The following SLC8A1 variants were observed in gnomAD, a reference collection of about 807,000 sequenced individuals.
The protein encoded by SLC8A1 is sodium/calcium exchanger 1.
SLC8A1 carries 18 observed loss-of-function variants against 68.3 expected under a neutral mutation model. The ratio of observed to expected loss-of-function variants is 0.26; its 90% CI spans 0.18 to 0.39. The LOEUF is 0.39. Among genes scored for constraint, SLC8A1 ranks in the 10% least tolerant of loss-of-function variants. The pLI, the probability that SLC8A1 is intolerant of heterozygous loss-of-function variation, is 1.00. For missense variants in SLC8A1, 985 were observed against 1,156.7 expected (o/e 0.85, Z 2.15); for synonymous variants, 475 against 415.5 (o/e 1.14, Z -1.74).
chr2:40,477,821 C>G (rs1704386374), intron 1 of SLC8A1, among the ~76,000 whole-genome samples: 1 of 152,058 alleles, frequency 6.6e-6, no homozygotes. Context: ...ATTGAATAAC[C>G]AAGTTTCCAG....
chr2:40,313,280 T>C (rs1477896702), intron 2 of SLC8A1, among the ~76,000 whole-genome samples: 3 of 152,130 alleles, frequency 2.0e-5, no homozygotes, highest in South Asian at 2.1e-4. Context: ...AAATAGTTCA[T>C]TCCTTTTTAT....
intron 6 of SLC8A1, among the ~76,000 whole-genome samples, chr2:40,153,702 C>A (rs1217305522): frequency 2.0e-5 from 3 of 152,152 alleles, no homozygotes; most frequent in Non-Finnish European, 4.4e-5. Flanking sequence ...GCATTGATTC[C>A]ATTTTGTTTC....
chr2:40,160,876 G>A lies in SLC8A1; in HGVS notation c.2062-12C>T, dbSNP rs774068705. The A allele has an allele frequency of 6.3e-6, 10 of 1,598,810 alleles. No homozygotes were observed. The Admixed American group carries it at 1.0e-4, about 16-fold the overall frequency. On this transcript the variant is annotated splice_polypyrimidine_tract_variant and intron_variant, in intron 5 of 7. Coordinates refer to ENST00000406785, the Ensembl canonical transcript of SLC8A1. ...TTGTCCACAGTACTCTAGAAATGTT[G>A]AAAAGAAAAATATAAATGCTGGGTT...
intron 2 of SLC8A1, among the ~76,000 whole-genome samples, chr2:40,319,177 G>T (rs79654470): frequency 6.6e-6 from 1 of 152,058 alleles, no homozygotes; most frequent in Non-Finnish European, 1.5e-5. Context: ...GCGATGGATT[G>T]TTTTATGAGA....
intron 5 of SLC8A1, among the ~76,000 whole-genome samples, chr2:40,163,004 G>A (rs148647723): frequency 3.3e-4 from 51 of 152,260 alleles, no homozygotes; most frequent in East Asian, 3.3e-3. Context: ...AGGCTGATAC[G>A]TAAGGGCAGT....
exon 8 of SLC8A1, chr2:40,105,790 T>A (rs1309010703): frequency 6.6e-6 from 1 of 152,236 alleles, no homozygotes; most frequent in African/African-American, 2.4e-5. Flanking sequence ...AGAAACCGTA[T>A]CCGACAAGGG....
At chr2:40,217,663 C>A (rs970705871) in intron 2 of SLC8A1, among the ~76,000 whole-genome samples, 3 of 152,092 alleles carry the variant, frequency 2.0e-5, no homozygotes, top group Admixed American at 6.5e-5. Flanking sequence ...CTACCCTAGA[C>A]AATGAGTAGG....
At chr2:40,383,517 C>T (rs1266266167) in intron 2 of SLC8A1, among the ~76,000 whole-genome samples, 2 of 151,898 alleles carry the variant, frequency 1.3e-5, no homozygotes, top group Non-Finnish European at 2.9e-5. Context: ...TGTGACAGAC[C>T]TGTGTTAAAT....
exon 2 of SLC8A1, chr2:40,428,933 T>A (rs1336509986): frequency 6.2e-7 from 1 of 1,613,848 alleles, no homozygotes; most frequent in Middle Eastern, 1.7e-4. Flanking sequence ...GCATTTGCTG[T>A]GCCATCCTCT....
chr2:40,385,495 G>T (rs1683270868), intron 2 of SLC8A1, among the ~76,000 whole-genome samples: 2 of 122,474 alleles, frequency 1.6e-5, no homozygotes, highest in South Asian at 4.9e-4. Flanking sequence ...TATAAATATA[G>T]GTGAGGAGAT....
At chr2:40,106,318 C>T (rs1451159709) in exon 8 of SLC8A1, 1 of 152,218 alleles carries the variant, frequency 6.6e-6, no homozygotes, top group African/African-American at 2.4e-5. Flanking sequence ...GCAGGCGGAT[C>T]ACCTGAGGTC....
chr2:40,321,444 G>A (rs1462294525), intron 2 of SLC8A1, among the ~76,000 whole-genome samples: 1 of 151,998 alleles, frequency 6.6e-6, no homozygotes, highest in Non-Finnish European at 1.5e-5. Flanking sequence ...TCTCAGTAAC[G>A]CATGGGGTCT....
intron 7 of SLC8A1, among the ~76,000 whole-genome samples, chr2:40,133,993 T>C (rs2039983396): frequency 6.6e-6 from 1 of 152,180 alleles, no homozygotes; most frequent in African/African-American, 2.4e-5. Context: ...TGTTTTTCCA[T>C]AGAAATAATG....
At chr2:40,178,633 C>T (rs2048908912) in intron 2 of SLC8A1, 140 bp from the exon 3 acceptor site, 2 of 688,740 alleles carry the variant, frequency 2.9e-6, no homozygotes, top group Non-Finnish European at 5.1e-6. Context: ...TGAGTTTTTT[C>T]TTCAAGAATG....
chr2:40,112,960 G>T (rs1228783613), exon 8 of SLC8A1: 2 of 152,326 alleles, frequency 1.3e-5, no homozygotes, highest in East Asian at 3.7e-4. Flanking sequence ...GTTTCAGTGT[G>T]TTTATGTTAA....
intron 2 of SLC8A1, among the ~76,000 whole-genome samples, chr2:40,305,805 G>A (rs965440907): frequency 6.6e-6 from 1 of 152,178 alleles, no homozygotes; most frequent in Non-Finnish European, 1.5e-5. Flanking sequence ...TGAAGATAGA[G>A]TATAGACATT....
intron 2 of SLC8A1, among the ~76,000 whole-genome samples, chr2:40,264,824 A>G (rs565776771): frequency 1.3e-3 from 156 of 124,176 alleles, no homozygotes; most frequent in Non-Finnish European, 2.0e-3. Flanking sequence ...CGTTGTGCAC[A>G]TGTACCCTAA....
chr2:40,431,685 T>A (rs1698340065), intron 1 of SLC8A1, among the ~76,000 whole-genome samples: 1 of 152,078 alleles, frequency 6.6e-6, no homozygotes, highest in African/African-American at 2.4e-5. Flanking sequence ...AAGCCCTGAG[T>A]CAGAACATAC....
intron 1 of SLC8A1, among the ~76,000 whole-genome samples, chr2:40,458,213 A>G (rs1703136766): frequency 6.6e-6 from 1 of 152,230 alleles, no homozygotes. Flanking sequence ...TTAATAGAAT[A>G]TAAAAATGAG....
Sources: allele counts gnomAD v4.1 joint callset (sites outside exome capture counted in the v4.1 genomes callset), GRCh38; gene constraint gnomAD v4.1.1; transcripts MANE v1.5; gene names NCBI Gene and HGNC (gene_info 2026-07-23, HGNC 2026-07-21).